Variants in MROH7 observed in about 807,000 individuals in gnomAD.
MROH7 encodes the protein maestro heat like repeat family member 7.
In MROH7, 113 loss-of-function variants were observed where a neutral mutation model predicts 129.2. That is an observed-to-expected ratio of 0.87 (90% CI 0.75 to 1.02). MROH7 has a LOEUF of 1.02. MROH7 is among the 50% of genes least tolerant of loss of function. MROH7 has a pLI of 0.00. For synonymous variants in MROH7, 655 were observed against 667.9 expected (o/e 0.98, Z 0.30); for missense variants, 1,601 against 1,671.3 (o/e 0.96, Z 0.73).
intron 7 of MROH7, 43 bp from the exon 8 acceptor site, chr1:54,673,048 C>T (rs375376518): frequency 2.1e-5 from 32 of 1,505,366 alleles, no homozygotes; most frequent in African/African-American, 2.8e-5. Flanking sequence ...CTGGTGTCCG[C>T]TCCAGAGGTG....
chr1:54,705,106 C>A (rs1045082698), intron 21 of MROH7, among the ~76,000 whole-genome samples: 8 of 152,156 alleles, frequency 5.3e-5, no homozygotes, highest in Non-Finnish European at 1.2e-4. Flanking sequence ...CTGAATGTAG[C>A]ATGTTTTAAA....
rs75368468 is a variant in MROH7, at chr1:54,673,748, G to C, written c.1743G>C (p.Arg581=). The part of the protein sequence containing the change: ...MNSGKAHERA[R]AVNTNVSVLN... ...CTGGGAAGGCCCATGAGCGAGCACGGGCTGTGAACACCAATGTCTCTGTGT... is the reference window on the plus strand; with the variant it reads ...CTGGGAAGGCCCATGAGCGAGCACGCGCTGTGAACACCAATGTCTCTGTGT... Residue 581 remains arginine (R), a synonymous_variant, in exon 9 of 24, where the codon CGG becomes CGC. Coordinates refer to ENST00000421030, the MANE Select transcript of MROH7 (RefSeq NM_001039464.4). 2,555 of 1,614,172 alleles carry C rather than the reference G, an allele frequency of 1.6e-3. 34 individuals are homozygous for C. In the African/African-American group the frequency reaches 0.029, roughly 18 times the overall value.
intron 17 of MROH7, chr1:54,697,614 A>G (rs1408991832): frequency 1.4e-6 from 1 of 699,380 alleles, no homozygotes; most frequent in Non-Finnish European, 2.6e-6. Flanking sequence ...AAACACTTGT[A>G]TTGACCTCTT....
At position 54,673,735 on chromosome 1, in the gene MROH7, A is replaced by G. The variant is rs986693932; in HGVS notation, c.1730A>G (p.His577Arg). Residue 577 changes from histidine (H) to arginine (R), a missense_variant, in exon 9 of 24, where the codon CAT becomes CGT. Transcript: ENST00000421030. ...CCTTGGATGAACTCTGGGAAGGCCCATGAGCGAGCACGGGCTGTGAACACC... is the reference window on the plus strand; with the variant it reads ...CCTTGGATGAACTCTGGGAAGGCCCGTGAGCGAGCACGGGCTGTGAACACC... ...LGPWMNSGKA[H>R]ERARAVNTNV... 2 of 1,614,144 alleles carry G rather than the reference A, an allele frequency of 1.2e-6. No homozygotes were observed. The highest frequency in any genetic ancestry group is 1.7e-6 in the Non-Finnish European group (2 of 1,180,002).
At position 54,661,010 on chromosome 1, in the gene MROH7, C is replaced by CT. The variant is rs34137020; in HGVS notation, c.1232-4142dup. On this transcript the variant is annotated intron_variant, in intron 3 of 23. Transcript: ENST00000421030. ...GAAGTACCAGTTCAAACGTTTTGTG[C>CT]TTTTTTTTTTTTTTTAATTTCAGAA... is the stretch of plus-strand genomic sequence containing the variant. Among the ~76,000 whole-genome samples the CT allele has an allele frequency of 4.3e-3, 504 of 117,446 alleles. 3 individuals carry two copies. The highest frequency in any genetic ancestry group is 0.011 in the East Asian group (44 of 3,970). The allele number at this position is 117,446 out of a possible 152,430, so 77.0% of individuals were successfully genotyped here.
At chr1:54,707,019 T>C (rs926255018) in intron 22 of MROH7, among the ~76,000 whole-genome samples, 9 of 152,214 alleles carry the variant, frequency 5.9e-5, no homozygotes, top group African/African-American at 2.2e-4. Flanking sequence ...TTTCACAGAC[T>C]GAATGAGAAT....
At position 54,695,347 on chromosome 1, in the gene MROH7, A is replaced by T. The variant is rs769977739; in HGVS notation, c.2850-29A>T. 2.7e-5 allele frequency: 37 copies of T among 1,359,156 alleles called. No individual in the cohort carries two copies. The East Asian group carries it at 8.1e-4, about 30-fold the overall frequency. The allele number at this position is 1,359,156 out of a possible 1,614,324, so 84.2% of individuals were successfully genotyped here. A position where few individuals can be genotyped will look rare whatever the true frequency, so the allele number is the denominator to read the frequency against. On this transcript the variant is annotated intron_variant, in intron 16 of 23. Transcript: ENST00000421030. ...AGGTCCCCCTGGGGCTGGATACCTG[A>T]GGGGACTACTCCCCCTTCCCACCCC...
At chr1:54,678,402 GA>G (rs1288287018) in intron 10 of MROH7, among the ~76,000 whole-genome samples, 4 of 152,218 alleles carry the variant, frequency 2.6e-5, no homozygotes, top group Admixed American at 1.3e-4. Context: ...CTGTGTGGAT[GA>G]ATCTCAACCA....
At chr1:54,669,752 C>A (rs1644865646) in intron 5 of MROH7, among the ~76,000 whole-genome samples, 1 of 152,118 alleles carries the variant, frequency 6.6e-6, no homozygotes, top group African/African-American at 2.4e-5. Flanking sequence ...GTAATCCCAG[C>A]ATTTTGGGAG....
chr1:54,641,793 A>G lies in MROH7; in HGVS notation c.-285A>G, dbSNP rs79817734. 3,247 of 152,142 alleles carry G rather than the reference A, an allele frequency of 0.021. 98 individuals carry two copies. The highest frequency in any genetic ancestry group is 0.092 in the Admixed American group (1,407 of 15,248). 9.4% of individuals were successfully genotyped at this position (152,142 alleles called of 1,614,324 possible). On this transcript the variant is annotated 5_prime_UTR_variant, in exon 1 of 24. Transcript: ENST00000421030. ...GGGAAGCCTAGGTAAGCTGAGGGGC[A>G]GCTCTGGGAAAGTCCTAGGGGTGGG... is the stretch of plus-strand genomic sequence containing the variant.
At chr1:54,667,126 T>C (rs891593594) in intron 4 of MROH7, among the ~76,000 whole-genome samples, 3 of 152,204 alleles carry the variant, frequency 2.0e-5, no homozygotes, top group Non-Finnish European at 4.4e-5. Flanking sequence ...CCTGACATTC[T>C]AGTTTGGGGA....
intron 17 of MROH7, chr1:54,699,089 T>C (rs1237639669): frequency 4.2e-5 from 6 of 142,012 alleles, no homozygotes; most frequent in Non-Finnish European, 6.3e-5. Flanking sequence ...CCACCTTGCC[T>C]GGCCTTTTCT....
chr1:54,694,486 A>G (rs1288083458), intron 16 of MROH7, among the ~76,000 whole-genome samples: 1 of 152,048 alleles, frequency 6.6e-6, no homozygotes, highest in Non-Finnish European at 1.5e-5. Flanking sequence ...TTCTTTTTTG[A>G]GATGGAGTCT....
chr1:54,706,701 C>T (rs12026520), intron 22 of MROH7, among the ~76,000 whole-genome samples, 164 bp downstream of exon 22: 17,788 of 152,226 alleles, frequency 0.12, 1,200 homozygotes, highest in East Asian at 0.32. Flanking sequence ...TGGTTTTCCC[C>T]ACTCTAAGAT....
At chr1:54,658,809 G>C (rs1644686931) in intron 3 of MROH7, among the ~76,000 whole-genome samples, 1 of 152,166 alleles carries the variant, frequency 6.6e-6, no homozygotes, top group South Asian at 2.1e-4. Flanking sequence ...GTGGGGATGG[G>C]GGTGCTGTTC....
rs1346170579 is a variant in MROH7, at chr1:54,678,631, C to T, written c.1937-111C>T. 8 of 732,094 alleles carry T rather than the reference C, an allele frequency of 1.1e-5. 1 individual carries two copies. The highest frequency in any genetic ancestry group is 4.9e-4 in the Middle Eastern group (2 of 4,092). 45.3% of individuals were successfully genotyped at this position (732,094 alleles called of 1,614,324 possible). On this transcript the variant is annotated intron_variant, in intron 10 of 23. Coordinates refer to ENST00000421030, the MANE Select transcript of MROH7 (RefSeq NM_001039464.4). Reference sequence around the variant, plus strand: ...TGGGGGCTGGCTACAATGGTGTGTTCACTATGTGAAAATGTATCAAGTTAG... The same window carrying T: ...TGGGGGCTGGCTACAATGGTGTGTTTACTATGTGAAAATGTATCAAGTTAG...
chr1:54,668,408 T>C (rs537635726), intron 4 of MROH7, among the ~76,000 whole-genome samples: 1 of 152,356 alleles, frequency 6.6e-6, no homozygotes, highest in East Asian at 1.9e-4. Context: ...TTATTTTCCT[T>C]CTTCTCCCTT....
At chr1:54,697,971 C>T (rs1455339795) in intron 17 of MROH7, 8 of 377,936 alleles carry the variant, frequency 2.1e-5, no homozygotes, top group Non-Finnish European at 2.9e-5. Flanking sequence ...CGCCCTGCAG[C>T]AAGGGTCTTG....
At position 54,700,401 on chromosome 1, in the gene MROH7, C is replaced by A. The variant is rs760841020; in HGVS notation, c.3045C>A (p.Asp1015Glu). 2.2e-5 allele frequency: 35 copies of A among 1,613,610 alleles called. No individual in the cohort carries two copies. The highest frequency in any genetic ancestry group is 2.9e-5 in the Non-Finnish European group (34 of 1,179,816). ...GRMAEGLSHH[D>E]PIMKVLSIRG... ...TGGCAGAAGGCCTGAGCCACCACGA[C>A]CCCATCATGAAGGTGCTGTCCATTC... Residue 1015 changes from aspartate to glutamate, a missense_variant, in exon 18 of 24, where the codon GAC becomes GAA. Coordinates refer to ENST00000421030, the MANE Select transcript of MROH7 (RefSeq NM_001039464.4).
Sources: allele counts gnomAD v4.1 joint callset (sites outside exome capture counted in the v4.1 genomes callset), GRCh38; gene constraint gnomAD v4.1.1; transcripts MANE v1.5; gene names NCBI Gene and HGNC (gene_info 2026-07-23, HGNC 2026-07-21).